SYNPO2: variants seen among roughly 807,000 people sequenced by gnomAD.
SYNPO2 encodes the protein synaptopodin 2.
SYNPO2 carries 56 observed loss-of-function variants against 85.0 expected under a neutral mutation model. The observed-to-expected ratio is 0.66, with a 90% CI of 0.53 to 0.82. SYNPO2 has a LOEUF of 0.82. Among genes scored for constraint, SYNPO2 ranks in the 40% least tolerant of loss-of-function variants. SYNPO2 has a pLI of 0.00. For synonymous variants in SYNPO2, 602 were observed against 591.1 expected (o/e 1.02, Z -0.27); for missense variants, 1,575 against 1,534.2 (o/e 1.03, Z -0.44).
intron 1 of SYNPO2, among the ~76,000 whole-genome samples, chr4:119,018,815 T>A (rs996838498): frequency 1.3e-5 from 2 of 152,176 alleles, no homozygotes; most frequent in Admixed American, 6.5e-5. Flanking sequence ...AATTGAAATG[T>A]TCCTAGCACA....
chr4:118,856,270 G>GT (rs2110562513), intron 1 of SYNPO2, among the ~76,000 whole-genome samples: 1 of 152,216 alleles, frequency 6.6e-6, no homozygotes, highest in South Asian at 2.1e-4. Flanking sequence ...ATCTAATAGG[G>GT]TTAAATACAT....
chr4:119,035,090 A>AT, intron 4 of SYNPO2: 2 of 985,460 alleles, frequency 2.0e-6, no homozygotes, highest in South Asian at 9.4e-5. Context: ...TAGGTGCCTT[A>AT]TGTATATTAT....
intron 4 of SYNPO2, chr4:119,033,438 G>A (rs1738369985): frequency 7.1e-6 from 7 of 985,282 alleles, no homozygotes; most frequent in South Asian, 4.7e-5. Context: ...GGTACTGAAA[G>A]TAAACCTGAA....
intron 4 of SYNPO2, chr4:119,038,644 A>G (rs1184296406): frequency 7.2e-6 from 6 of 838,240 alleles, no homozygotes; most frequent in Admixed American, 6.2e-5. Context: ...AGGCATTTCA[A>G]CAAGAATAAT....
intron 1 of SYNPO2, among the ~76,000 whole-genome samples, chr4:118,904,693 T>A (rs577049302): frequency 6.6e-6 from 1 of 152,260 alleles, no homozygotes; most frequent in East Asian, 1.9e-4. Context: ...ATAAGGCTGC[T>A]TTTTCTAAGT....
At position 118,879,121 on chromosome 4, in the gene SYNPO2, T is replaced by G. The variant is rs114157619; in HGVS notation, c.12+28181T>G. Among the ~76,000 whole-genome samples the G allele has an allele frequency of 9.9e-5, 15 of 152,208 alleles. No homozygotes were observed. In the Middle Eastern group the frequency reaches 0.01, roughly 104 times the overall value. ...CCTGAAGTGAACAAGACCACAGAAC[T>G]CGCCAGAAGGAAGAAACTCCCGACA... is the stretch of plus-strand genomic sequence containing the variant. On this transcript the variant is annotated intron_variant, in intron 1 of 4. Coordinates refer to the SYNPO2 transcript ENST00000610556.
chr4:118,944,720 G>T (rs1424953259), intron 1 of SYNPO2, among the ~76,000 whole-genome samples: 2 of 152,152 alleles, frequency 1.3e-5, no homozygotes, highest in African/African-American at 4.8e-5. Context: ...GAAATATTTT[G>T]ATAATTAATG....
At chr4:118,976,911 G>A (rs1250732108) in intron 1 of SYNPO2, among the ~76,000 whole-genome samples, 3 of 152,214 alleles carry the variant, frequency 2.0e-5, no homozygotes, top group African/African-American at 7.2e-5. Flanking sequence ...GTGCTGATTG[G>A]TGTATTTACA....
rs542048382 is a variant in SYNPO2 at position 118,963,262 on chromosome 4, G to A, written c.106-60168G>A. ...AGTAGTCTCTGTCCCACTGAAATGT[G>A]TTTTCATCTAGGAAAAATAAACTTT... is the stretch of plus-strand genomic sequence containing the variant. On this transcript the variant is annotated intron_variant, in intron 1 of 4. Transcript: ENST00000307142. Among the ~76,000 whole-genome samples, 4 of 152,226 alleles carry A rather than the reference G, an allele frequency of 2.6e-5. No homozygotes were observed. In the South Asian group the frequency reaches 8.3e-4, roughly 32 times the overall value.
intron 1 of SYNPO2, among the ~76,000 whole-genome samples, chr4:118,907,646 A>G (rs958528646): frequency 1.3e-5 from 2 of 152,210 alleles, no homozygotes; most frequent in South Asian, 4.1e-4. Flanking sequence ...TGACTTCTTT[A>G]CAGTCTATAC....
chr4:118,966,064 A>G (rs1254118135), intron 1 of SYNPO2, among the ~76,000 whole-genome samples: 1 of 152,132 alleles, frequency 6.6e-6, no homozygotes, highest in African/African-American at 2.4e-5. Flanking sequence ...AAATAAATAA[A>G]TAAGCCCATA....
intron 4 of SYNPO2, among the ~76,000 whole-genome samples, chr4:119,040,764 A>C (rs1738684026): frequency 6.6e-6 from 1 of 152,202 alleles, no homozygotes; most frequent in Non-Finnish European, 1.5e-5. Context: ...AAAGTGGAGC[A>C]GTTGGCAACC....
At chr4:118,984,427 T>C (rs1176596282) in intron 1 of SYNPO2, among the ~76,000 whole-genome samples, 1 of 152,202 alleles carries the variant, frequency 6.6e-6, no homozygotes, top group African/African-American at 2.4e-5. Context: ...ACATTGCCTT[T>C]GGAACAAAAT....
At chr4:118,981,972 C>T (rs79578724) in intron 1 of SYNPO2, among the ~76,000 whole-genome samples, 7 of 152,230 alleles carry the variant, frequency 4.6e-5, no homozygotes, top group Non-Finnish European at 1.0e-4. Context: ...CACTTGAGGG[C>T]GGCATTGCCT....
intron 1 of SYNPO2, among the ~76,000 whole-genome samples, chr4:118,972,928 C>G (rs1344599997): frequency 2.0e-5 from 3 of 152,206 alleles, no homozygotes; most frequent in African/African-American, 4.8e-5. Context: ...CCCGCTTGCT[C>G]ACCTGCTTTT....
chr4:119,034,809 A>C, intron 4 of SYNPO2: 1 of 985,518 alleles, frequency 1.0e-6, no homozygotes, highest in Non-Finnish European at 1.2e-6. Flanking sequence ...AAGTGATGTC[A>C]GTGTGACAGA....
intron 4 of SYNPO2, among the ~76,000 whole-genome samples, chr4:119,051,412 C>T (rs1455225704): frequency 1.3e-5 from 2 of 151,156 alleles, no homozygotes; most frequent in Non-Finnish European, 2.9e-5. Flanking sequence ...GGGATGGTCT[C>T]GATCTCCTGA....
chr4:118,903,754 C>G (rs1732835809), intron 1 of SYNPO2, among the ~76,000 whole-genome samples: 1 of 151,892 alleles, frequency 6.6e-6, no homozygotes, highest in African/African-American at 2.4e-5. Context: ...ACTCTGTCAC[C>G]AGGCTGGAGT....
intron 4 of SYNPO2, among the ~76,000 whole-genome samples, chr4:119,051,108 TGAAG>T (rs1460890521): frequency 2.6e-5 from 4 of 151,006 alleles, no homozygotes; most frequent in Non-Finnish European, 5.9e-5. Flanking sequence ...TGGGAATGTA[TGAAG>T]GAATGGCTGC....
Sources: gnomAD v4.1 joint callset for allele counts (sites outside exome capture counted in the v4.1 genomes callset) on GRCh38, gnomAD v4.1.1 for gene constraint, MANE v1.5 for transcripts, NCBI Gene and HGNC (gene_info 2026-07-23, HGNC 2026-07-21) for gene names.